Variants in RTN4RL1 observed in about 807,000 individuals in gnomAD.
RTN4RL1 encodes reticulon 4 receptor like 1.
A neutral mutation model predicts 25.6 loss-of-function variants in RTN4RL1; 7 were observed. The observed-to-expected ratio is 0.27, with a 90% confidence interval of 0.16 to 0.51. The LOEUF (loss-of-function observed/expected upper bound fraction) is 0.51. Among genes scored for constraint, RTN4RL1 ranks in the 20% least tolerant of loss-of-function variants. RTN4RL1 has a pLI of 0.97. For missense variants in RTN4RL1, 500 were observed against 615.6 expected (o/e 0.81, Z 1.99); for synonymous variants, 297 against 288.2 (o/e 1.03, Z -0.31).
At chr17:1,960,429 C>A (rs534612679) in intron 1 of RTN4RL1, among the ~76,000 whole-genome samples, 2 of 152,042 alleles carry the variant, frequency 1.3e-5, no homozygotes, top group Admixed American at 1.3e-4. Flanking sequence ...CCCTCGTGAG[C>A]GGCCCCACCT....
chr17:1,982,014 A>G (rs1414811080), intron 1 of RTN4RL1, among the ~76,000 whole-genome samples: 1 of 152,200 alleles, frequency 6.6e-6, no homozygotes. Flanking sequence ...TTATGTATTG[A>G]AACTGGCCGG....
At chr17:1,979,758 G>A (rs1044612957) in intron 1 of RTN4RL1, among the ~76,000 whole-genome samples, 7 of 152,188 alleles carry the variant, frequency 4.6e-5, no homozygotes, top group Non-Finnish European at 1.0e-4. Flanking sequence ...GCCAAGTCCA[G>A]CCCTTTGCCC....
rs369021398 is a variant in RTN4RL1 at position 1,957,844 on chromosome 17, AAAC to A, written c.14-20039_14-20037del. On this transcript the variant is annotated intron_variant, in intron 1 of 1. Transcript: ENST00000331238. ...GGGCAATAGAGTGAGACTCTGTCTCAAACAACAACAACAAAACAAACAAACAAA... is the reference window on the plus strand; with the variant it reads ...GGGCAATAGAGTGAGACTCTGTCTCAAACAACAACAAAACAAACAAACAAA... 5.9e-3 allele frequency among the ~76,000 whole-genome samples: 864 copies of A among 147,672 alleles called. 9 individuals are homozygous for A. The highest frequency in any genetic ancestry group is 0.02 in the African/African-American group (812 of 40,384).
At chr17:1,949,925 G>A (rs1323674513) in intron 1 of RTN4RL1, among the ~76,000 whole-genome samples, 1 of 152,238 alleles carries the variant, frequency 6.6e-6, no homozygotes, top group Admixed American at 6.5e-5. Flanking sequence ...AGCATTCCAG[G>A]CAGAGGGCAC....
intron 1 of RTN4RL1, among the ~76,000 whole-genome samples, chr17:1,947,733 G>A (rs566676290): frequency 1.3e-5 from 2 of 152,198 alleles, no homozygotes; most frequent in African/African-American, 2.4e-5. Flanking sequence ...TCGGGTCTCC[G>A]GTCTCCTTGC....
chr17:1,950,111 C>T (rs150280483), intron 1 of RTN4RL1, among the ~76,000 whole-genome samples: 5 of 151,970 alleles, frequency 3.3e-5, no homozygotes, highest in Non-Finnish European at 7.4e-5. Flanking sequence ...GGGGCGGGAG[C>T]AACAGGATTG....
intron 1 of RTN4RL1, among the ~76,000 whole-genome samples, chr17:1,966,840 A>C (rs1296242027): frequency 6.6e-6 from 1 of 152,008 alleles, no homozygotes; most frequent in Non-Finnish European, 1.5e-5. Context: ...GCTCTTCTCC[A>C]CTGAGGGCTT....
intron 1 of RTN4RL1, among the ~76,000 whole-genome samples, chr17:1,972,862 A>G (rs559491756): frequency 1.3e-5 from 2 of 152,348 alleles, no homozygotes; most frequent in South Asian, 4.1e-4. Context: ...ATGAACCTCC[A>G]GAGGGGACCA....
chr17:2,012,782 GTTCTTC>G (rs569329258), intron 1 of RTN4RL1, among the ~76,000 whole-genome samples: 1 of 146,308 alleles, frequency 6.8e-6, no homozygotes, highest in Non-Finnish European at 1.5e-5. Flanking sequence ...TATGTGCTAT[GTTCTTC>G]TTCTTCTTCT....
At chr17:1,987,059 C>T (rs1429696740) in intron 1 of RTN4RL1, among the ~76,000 whole-genome samples, 8 of 152,078 alleles carry the variant, frequency 5.3e-5, no homozygotes, top group African/African-American at 7.2e-5. Flanking sequence ...CAGGCAGGTG[C>T]GAAGGAGAAA....
intron 1 of RTN4RL1, among the ~76,000 whole-genome samples, chr17:1,974,272 C>T (rs1236683592): frequency 6.6e-6 from 1 of 151,992 alleles, no homozygotes; most frequent in Non-Finnish European, 1.5e-5. Flanking sequence ...GGACACAGAA[C>T]TACTGTAGAC....
Position 1,998,014 on chromosome 17 carries a change from AG to A in RTN4RL1, c.13+26838del, listed in dbSNP as rs1274945072. Among the ~76,000 whole-genome samples, 5 of 151,860 alleles carry A rather than the reference AG, an allele frequency of 3.3e-5. No individual in the cohort carries two copies. Among genetic ancestry groups the A allele is most frequent in the Non-Finnish European group, 7.4e-5 (5 of 67,918 alleles). ...GGGGGCGGGCAGCGATGTCCCCCTCAGGGTGCCGGGCGCCCCACCCCCACCC... is the reference window on the plus strand; with the variant it reads ...GGGGGCGGGCAGCGATGTCCCCCTCAGGTGCCGGGCGCCCCACCCCCACCC... On this transcript the variant is annotated intron_variant, in intron 1 of 1. Coordinates refer to ENST00000331238, the MANE Select transcript of RTN4RL1 (RefSeq NM_178568.4). The surrounding 1 kb of genome is among the most constrained non-coding windows in gnomAD (Gnocchi z 4.9).
In RTN4RL1 at chr17:1,937,568, G is replaced by A. The variant is rs1432638757; in HGVS notation, c.254C>T (p.Ser85Leu). The change falls in exon 2 of 2, where the codon TCG (serine) becomes TTG (leucine). Residue 85 changes from serine (S) to leucine (L), a missense_variant. Around this residue, in one of 2 missense-constraint regions of RTN4RL1, gnomAD observed 232 missense variants for 341.1 expected, o/e 0.68. Coordinates refer to ENST00000331238, the MANE Select transcript of RTN4RL1 (RefSeq NM_178568.4). ...GGGGTGGATGTAGGTGATGTTGTTC[G>A]AGTAGATCCACAGGGTGACCATGGC... ...SPAMVTLWIY[S>L]NNITYIHPST... is the part of the protein sequence containing the mutation. The A allele has an allele frequency of 1.7e-5, 27 of 1,613,814 alleles. 1 individual carries two copies. The highest frequency in any genetic ancestry group is 3.3e-5 in the South Asian group (3 of 91,080).
At chr17:1,996,195 A>G (rs926062125) in intron 1 of RTN4RL1, among the ~76,000 whole-genome samples, 1 of 152,222 alleles carries the variant, frequency 6.6e-6, no homozygotes, top group Non-Finnish European at 1.5e-5. Context: ...TTCTCCCAGG[A>G]AAGCTTGAAT....
At chr17:1,963,067 AG>A (rs2066773353) in intron 1 of RTN4RL1, among the ~76,000 whole-genome samples, 1 of 151,946 alleles carries the variant, frequency 6.6e-6, no homozygotes, top group South Asian at 2.1e-4. Flanking sequence ...CCTCCTGAGT[AG>A]TTGGAATTAC....
At chr17:1,959,168 C>T (rs879556467) in intron 1 of RTN4RL1, among the ~76,000 whole-genome samples, 2 of 152,232 alleles carry the variant, frequency 1.3e-5, no homozygotes, top group African/African-American at 4.8e-5. Flanking sequence ...GGCTGAGACC[C>T]TTATACTCTG....
chr17:2,014,752 A>G (rs1449059505), intron 1 of RTN4RL1, among the ~76,000 whole-genome samples: 1 of 152,026 alleles, frequency 6.6e-6, no homozygotes, highest in South Asian at 2.1e-4. Flanking sequence ...GAATCGCTTG[A>G]ATCTGGGAGA....
At chr17:1,957,629 TC>T (rs542687450) in intron 1 of RTN4RL1, among the ~76,000 whole-genome samples, 4 of 148,656 alleles carry the variant, frequency 2.7e-5, no homozygotes, top group African/African-American at 1.0e-4. Flanking sequence ...TCACCTGAGG[TC>T]AGGAGATTGA....
At chr17:1,948,564 GAC>G (rs1266278741) in intron 1 of RTN4RL1, among the ~76,000 whole-genome samples, 1 of 152,138 alleles carries the variant, frequency 6.6e-6, no homozygotes, top group African/African-American at 2.4e-5. Context: ...CAGACAGGCA[GAC>G]ACAGGCAGAC....
Sources: allele counts gnomAD v4.1 joint callset (sites outside exome capture counted in the v4.1 genomes callset), GRCh38; gene constraint gnomAD v4.1.1; regional missense constraint gnomAD v4.1.1; non-coding constraint Gnocchi (gnomAD v3.1); transcripts MANE v1.5; gene names NCBI Gene and HGNC (gene_info 2026-07-23, HGNC 2026-07-21).